The following ADAMTS16 variants were observed in gnomAD, a reference collection of about 807,000 sequenced individuals.
ADAMTS16 encodes the protein A disintegrin and metalloproteinase with thrombospondin motifs 16.
ADAMTS16 carries 94 observed loss-of-function variants against 145.8 expected under a neutral mutation model. The ratio of observed to expected loss-of-function variants is 0.64; its 90% CI spans 0.55 to 0.77. The LOEUF (loss-of-function observed/expected upper bound fraction) is 0.77. Ranked by LOEUF, ADAMTS16 falls within the 30% of genes least tolerant of loss-of-function variation. The probability of loss-of-function intolerance (pLI) is 0.00; values close to 1 mark genes in which losing one functional copy is unlikely to be tolerated. For missense variants in ADAMTS16, 1,585 were observed against 1,591.5 expected (o/e 1.00, Z 0.07); for synonymous variants, 659 against 604.3 (o/e 1.09, Z -1.33).
chr5:5,311,300 C>CAAAAA (rs57267931), intron 21 of ADAMTS16, among the ~76,000 whole-genome samples: 65 of 127,024 alleles, frequency 5.1e-4, no homozygotes, highest in East Asian at 1.2e-3. Flanking sequence ...TTGACATAGG[C>CAAAAA]AAAAAAAAAA....
In ADAMTS16 at chr5:5,173,760, T is replaced by C. The variant is rs1466319279; in HGVS notation, c.502-8284T>C. Reference sequence around the variant, plus strand: ...AGTGCTGGGATTACAGGATAACTCATTACTTTTAACTGATGACTGCTCATC... The same window carrying C: ...AGTGCTGGGATTACAGGATAACTCACTACTTTTAACTGATGACTGCTCATC... On this transcript the variant is annotated intron_variant, in intron 3 of 22. Transcript: ENST00000274181. 2.6e-5 allele frequency among the ~76,000 whole-genome samples: 4 copies of C among 152,136 alleles called. No individual in the cohort carries two copies. The East Asian group carries it at 7.7e-4, about 29-fold the overall frequency.
chr5:5,247,357 C>CT (rs1475385436), intron 17 of ADAMTS16, among the ~76,000 whole-genome samples: 1 of 152,092 alleles, frequency 6.6e-6, no homozygotes, highest in Non-Finnish European at 1.5e-5. Context: ...ATTACCCCCC[C>CT]GCCCCCCGAT....
intron 11 of ADAMTS16, among the ~76,000 whole-genome samples, chr5:5,231,604 A>G (rs1204376189): frequency 6.6e-6 from 1 of 152,160 alleles, no homozygotes; most frequent in Non-Finnish European, 1.5e-5. Flanking sequence ...GACAGTCTGG[A>G]CCTTTAAAAT....
rs182193950 is a variant in ADAMTS16 at position 5,248,888 on chromosome 5, G to A, written c.2662+6697G>A. On this transcript the variant is annotated intron_variant, in intron 17 of 22. Coordinates refer to ENST00000274181, the MANE Select transcript of ADAMTS16 (RefSeq NM_139056.4). ...TTTAAATTCACTTTTGTGTCTTACT[G>A]TTTATATGGCTTGGTATATTAGGGT... Among the ~76,000 whole-genome samples the A allele has an allele frequency of 2.6e-5, 4 of 152,310 alleles. No homozygotes were observed. The East Asian group carries it at 7.7e-4, about 29-fold the overall frequency.
At chr5:5,265,823 T>C (rs1738220925) in intron 18 of ADAMTS16, among the ~76,000 whole-genome samples, 1 of 152,164 alleles carries the variant, frequency 6.6e-6, no homozygotes, top group Non-Finnish European at 1.5e-5. Flanking sequence ...TGAAGGTCCT[T>C]GCCTTGACAT....
Position 5,230,057 on chromosome 5 carries a change from A to G in ADAMTS16, c.1702-2311A>G, listed in dbSNP as rs181484711. Among the ~76,000 whole-genome samples the G allele has an allele frequency of 3.9e-4, 59 of 152,344 alleles. 1 individual carries two copies. Among genetic ancestry groups the G allele is most frequent in the Admixed American group, 3.4e-3 (52 of 15,294 alleles). On this transcript the variant is annotated intron_variant, in intron 11 of 22. Coordinates refer to ENST00000274181, the MANE Select transcript of ADAMTS16 (RefSeq NM_139056.4). ...AATGGTGCAATCTTGCCAAAAATCC[A>G]ACTCTGAACCTAACCAATGCCTTAG...
chr5:5,237,998 C>A (rs773073989), intron 14 of ADAMTS16, among the ~76,000 whole-genome samples: 4 of 152,138 alleles, frequency 2.6e-5, no homozygotes, highest in Non-Finnish European at 5.9e-5. Flanking sequence ...CCAAAAACAT[C>A]TTTTCTAGTT....
chr5:5,185,333 G>A (rs1004067724), intron 4 of ADAMTS16, among the ~76,000 whole-genome samples: 6 of 152,166 alleles, frequency 3.9e-5, no homozygotes, highest in Non-Finnish European at 7.3e-5. Context: ...ACTTTCACAC[G>A]AAACAATTCT....
intron 9 of ADAMTS16, 93 bp downstream of exon 9, chr5:5,200,362 T>C: frequency 2.7e-6 from 4 of 1,494,936 alleles, no homozygotes; most frequent in Non-Finnish European, 3.6e-6. Context: ...CCCCAGGCTG[T>C]GCTTCCTGAT....
intron 10 of ADAMTS16, among the ~76,000 whole-genome samples, chr5:5,211,761 A>G (rs1736275289): frequency 6.6e-6 from 1 of 152,164 alleles, no homozygotes; most frequent in Non-Finnish European, 1.5e-5. Flanking sequence ...TAATATTATT[A>G]AGCAAAAATA....
At chr5:5,215,706 ATATATATGTGG>A (rs201546546) in intron 10 of ADAMTS16, among the ~76,000 whole-genome samples, 49 of 120,110 alleles carry the variant, frequency 4.1e-4, no homozygotes, top group African/African-American at 1.6e-3. Context: ...ACATATATAT[ATATATATGTGG>A]TATATATATA....
chr5:5,172,079 C>T (rs2126543668), intron 3 of ADAMTS16, among the ~76,000 whole-genome samples: 1 of 152,154 alleles, frequency 6.6e-6, no homozygotes, highest in East Asian at 1.9e-4. Context: ...CTCTAATCAT[C>T]CTTTGTATGT....
At chr5:5,286,885 A>AAATG (rs1456081255) in intron 18 of ADAMTS16, among the ~76,000 whole-genome samples, 4 of 52,198 alleles carry the variant, frequency 7.7e-5, no homozygotes, top group African/African-American at 1.0e-4. Flanking sequence ...AAAAAAAAAG[A>AAATG]GTTTTTATAA....
intron 9 of ADAMTS16, among the ~76,000 whole-genome samples, chr5:5,206,930 C>T (rs1295716589): frequency 1.3e-5 from 2 of 152,170 alleles, no homozygotes; most frequent in Non-Finnish European, 2.9e-5. Flanking sequence ...CTATACTGTT[C>T]CACTGATCTA....
chr5:5,291,881 C>T (rs1183530452), intron 18 of ADAMTS16, among the ~76,000 whole-genome samples: 1 of 152,192 alleles, frequency 6.6e-6, no homozygotes, highest in Non-Finnish European at 1.5e-5. Flanking sequence ...AGTGATGTTA[C>T]TATATTTAGG....
Position 5,209,092 on chromosome 5 carries a change from G to A in ADAMTS16, c.1452-1G>A, listed in dbSNP as rs1303217176. 6.2e-7 allele frequency: 1 copy of A among 1,612,306 alleles called. No homozygotes were observed. Among genetic ancestry groups the A allele is most frequent in the African/African-American group, 1.3e-5 (1 of 74,968 alleles). ...AGTAGCTCATCTCCTCTTTGTTTCAGCACCGCTCAAGCTATCTGCCTTGCT... is the reference window on the plus strand; with the variant it reads ...AGTAGCTCATCTCCTCTTTGTTTCAACACCGCTCAAGCTATCTGCCTTGCT... On this transcript the variant is annotated splice_acceptor_variant, in intron 9 of 22. Coordinates refer to ENST00000274181, the MANE Select transcript of ADAMTS16 (RefSeq NM_139056.4). LOFTEE classifies it high-confidence loss of function.
chr5:5,205,536 G>A (rs1736078155), intron 9 of ADAMTS16, among the ~76,000 whole-genome samples: 1 of 152,136 alleles, frequency 6.6e-6, no homozygotes, highest in African/African-American at 2.4e-5. Flanking sequence ...TTGGTGGTTG[G>A]ACCATTTTGC....
chr5:5,238,520 G>A (rs1737182077), intron 14 of ADAMTS16, among the ~76,000 whole-genome samples: 1 of 152,108 alleles, frequency 6.6e-6, no homozygotes, highest in South Asian at 2.1e-4. Context: ...AAAAAACACT[G>A]TAAGTTGTGA....
chr5:5,191,699 A>G lies in ADAMTS16; in HGVS notation c.1222A>G (p.Ser408Gly). ...GTCCTTCACAGGATTTGCACCCATAAGTGGAATGTGTAGTAAATATCGCAG... is the reference window on the plus strand; with the variant it reads ...GTCCTTCACAGGATTTGCACCCATAGGTGGAATGTGTAGTAAATATCGCAG... ...PCDTLGFAPI[S>G]GMCSKYRSCT... Residue 408 changes from serine (S) to glycine (G), a missense_variant, in exon 8 of 23, where the codon AGT (serine) becomes GGT (glycine). Physicochemically the swap from Ser to Gly is moderately conservative, Grantham distance 56 (BLOSUM62 0). This residue lies in a region of ADAMTS16 where 298 missense variants were observed against 367.6 expected (regional missense o/e 0.81). Transcript: ENST00000274181. The G allele has an allele frequency of 6.2e-7, 1 of 1,613,336 alleles. No individual in the cohort carries two copies. The highest frequency in any genetic ancestry group is 8.5e-7 in the Non-Finnish European group (1 of 1,179,518).
Sources: allele counts gnomAD v4.1 joint callset (sites outside exome capture counted in the v4.1 genomes callset), GRCh38; gene constraint gnomAD v4.1.1; regional missense constraint gnomAD v4.1.1; transcripts MANE v1.5; gene names NCBI Gene and HGNC (gene_info 2026-07-23, HGNC 2026-07-21).